ARMCX4: variants seen among roughly 807,000 people sequenced by gnomAD.
The protein encoded by ARMCX4 is armadillo repeat-containing X-linked protein 4.
A neutral mutation model predicts 34.7 loss-of-function variants in ARMCX4; 3 were observed. The ratio of observed to expected loss-of-function variants is 0.09; its 90% CI spans 0.04 to 0.22. The LOEUF (loss-of-function observed/expected upper bound fraction) is 0.22. Among genes scored for constraint, ARMCX4 ranks in the 10% least tolerant of loss-of-function variants. ARMCX4 has a pLI of 1.00. For synonymous variants in ARMCX4, 513 were observed against 632.8 expected, an observed-to-expected ratio of 0.81 and a Z score of 2.84; for missense variants, 1,448 against 1,720.8, an observed-to-expected ratio of 0.84 and a Z score of 2.81.
intron 4 of ARMCX4, among the ~76,000 whole-genome samples, chrX:101,461,738 CTT>C (rs1217005137): frequency 9.1e-6 from 1 of 110,150 alleles, no homozygotes; most frequent in African/African-American, 3.3e-5. Context: ...TTCTCCCTCT[CTT>C]TTTTTTTAAA....
At chrX:101,457,749 C>G (rs1932372413) in intron 4 of ARMCX4, among the ~76,000 whole-genome samples, 1 of 109,804 alleles carries the variant, frequency 9.1e-6, no homozygotes, top group Non-Finnish European at 1.9e-5. Context: ...ACCCCCCAAA[C>G]CCCCCTTTTT....
rs782282775 is a variant in ARMCX4, at chrX:101,436,251, G to C, written n.165-7801G>C. On this transcript the variant is annotated intron_variant and non_coding_transcript_variant, in intron 2 of 3. Transcript: ENST00000430461. The stretch of plus-strand genomic sequence containing the variant: ...ACCTTGGGCAGTATGGCCATTTTCA[G>C]GATATTGATTCTTCCTACCCATGAG... Among the ~76,000 whole-genome samples the C allele has an allele frequency of 6.4e-3, 700 of 110,020 alleles. 9 individuals carry two copies. The highest frequency in any genetic ancestry group is 0.022 in the African/African-American group (664 of 30,258).
At chrX:101,427,362 T>C (rs1321680615) in intron 2 of ARMCX4, among the ~76,000 whole-genome samples, 5 of 110,535 alleles carry the variant, frequency 4.5e-5, no homozygotes, top group African/African-American at 1.7e-4. Context: ...CCTCAGCTTC[T>C]GGTGAGAGCT....
intron 4 of ARMCX4, among the ~76,000 whole-genome samples, chrX:101,455,332 T>C (rs1932219005): frequency 8.9e-6 from 1 of 112,134 alleles, no homozygotes; most frequent in African/African-American, 3.2e-5. Flanking sequence ...TTATTGCATT[T>C]GACAAATCAT....
intron 11 of ARMCX4, among the ~76,000 whole-genome samples, chrX:101,515,415 CTT>C (rs1934708786): frequency 1.3e-4 from 1 of 7,699 alleles, no homozygotes. Flanking sequence ...CCCTCCCTCT[CTT>C]CCTTCCTTCC....
chrX:101,523,750 A>T (rs1354542343), intron 11 of ARMCX4, among the ~76,000 whole-genome samples: 1 of 111,869 alleles, frequency 8.9e-6, no homozygotes, highest in Non-Finnish European at 1.9e-5. Flanking sequence ...ATTACAACAC[A>T]TGCAGCAACA....
At chrX:101,448,673 A>T (rs1277024955), downstream of ARMCX4, among the ~76,000 whole-genome samples, 1 of 110,390 alleles carries the variant, frequency 9.1e-6, no homozygotes, top group Non-Finnish European at 1.9e-5. Context: ...GCTTGCTGCA[A>T]CCTCCACCTC....
chrX:101,521,077 G>A (rs902434431), intron 11 of ARMCX4, among the ~76,000 whole-genome samples: 2 of 108,511 alleles, frequency 1.8e-5, no homozygotes, highest in Admixed American at 2.0e-4. Context: ...GATTACAGAT[G>A]CCTGCCACCA....
intron 2 of ARMCX4, among the ~76,000 whole-genome samples, chrX:101,437,334 G>A (rs1396155111): frequency 9.0e-6 from 1 of 111,707 alleles, no homozygotes; most frequent in Non-Finnish European, 1.9e-5. Flanking sequence ...CCTGTTATTG[G>A]TCTATTCAGA....
Position 101,494,447 on chromosome X carries a change from G to C in ARMCX4, c.5858G>C (p.Gly1953Ala), listed in dbSNP as rs1556011214. 3.5e-6 allele frequency: 4 copies of C among 1,155,512 alleles called. No homozygotes were observed. The highest frequency in any genetic ancestry group is 1.1e-6 in the Non-Finnish European group (1 of 872,775). ...GATATAGGGTCTTGGTTCTGTGCTG[G>C]TAATGAAAACACAAGTGAGGACAAA... ...GVDIGSWFCA[G>A]NENTSEDKSA... is the part of the protein sequence containing the mutation. Residue 1953 changes from glycine to alanine, a missense_variant, in exon 6 of 6, where the codon GGT becomes GCT. Around this residue, in one of 2 missense-constraint regions of ARMCX4, gnomAD observed 1,343 missense variants for 1,540.7 expected, o/e 0.87. Transcript: ENST00000423738.
chrX:101,475,343 G>A (rs1556004014), intron 4 of ARMCX4, among the ~76,000 whole-genome samples: 1 of 109,704 alleles, frequency 9.1e-6, no homozygotes, highest in Non-Finnish European at 1.9e-5. Context: ...TTCTTTGTAG[G>A]TATCTGCAAA....
At chrX:101,418,661 C>T (rs1487878745) in intron 1 of ARMCX4, 3 of 111,688 alleles carry the variant, frequency 2.7e-5, no homozygotes, top group Non-Finnish European at 5.7e-5. Flanking sequence ...TCGGGCCGGT[C>T]CCCGGGGGAG....
Position 101,489,924 on chromosome X carries a change from G to A in ARMCX4, c.1335G>A (p.Leu445=). 8.6e-7 allele frequency: 1 copy of A among 1,156,247 alleles called. No homozygotes were observed. Among genetic ancestry groups the A allele is most frequent in the South Asian group, 1.9e-5 (1 of 52,768 alleles). The change falls in exon 6 of 6, where the codon TTG becomes TTA. Residue 445 remains leucine, a synonymous_variant. Transcript: ENST00000423738. ...GGGCCAATTCCCAGGTTGAGGCCTT[G>A]CCTGATGCCAGGGATAAGAGCAGAG... ...NLRANSQVEA[L]PDARDKSRGN... is the part of the protein sequence containing the mutation.
chrX:101,459,630 C>T (rs1381076997), intron 4 of ARMCX4, among the ~76,000 whole-genome samples: 6 of 111,703 alleles, frequency 5.4e-5, no homozygotes, highest in East Asian at 5.6e-4. Context: ...CTTAGAGTCA[C>T]GTAAAAGGTA....
At chrX:101,519,923 T>A (rs1451323914) in intron 11 of ARMCX4, among the ~76,000 whole-genome samples, 2 of 111,287 alleles carry the variant, frequency 1.8e-5, no homozygotes, top group Non-Finnish European at 3.8e-5. Flanking sequence ...TGATTAGTGA[T>A]GTTGAGCATT....
chrX:101,488,341 C>G, intron 5 of ARMCX4, 103 bp from the exon 6 acceptor site: 1 of 770,144 alleles, frequency 1.3e-6, no homozygotes, highest in East Asian at 3.6e-5. Flanking sequence ...TCTCTTCCAC[C>G]AAGCACATGG....
At chrX:101,438,991 G>T (rs1407590309) in intron 2 of ARMCX4, among the ~76,000 whole-genome samples, 3 of 112,007 alleles carry the variant, frequency 2.7e-5, no homozygotes, top group Non-Finnish European at 5.6e-5. Context: ...ATATGGTTAT[G>T]TGTGAATTTA....
intron 4 of ARMCX4, among the ~76,000 whole-genome samples, chrX:101,466,254 C>G (rs1345384078): frequency 1.8e-5 from 2 of 112,019 alleles, no homozygotes; most frequent in Non-Finnish European, 3.8e-5. Context: ...AAGTGCATGT[C>G]AGAATTGGAG....
At chrX:101,425,457 G>A (rs1366840525) in intron 2 of ARMCX4, among the ~76,000 whole-genome samples, 2 of 105,697 alleles carry the variant, frequency 1.9e-5, no homozygotes, top group Non-Finnish European at 3.9e-5. Context: ...GCAATGGTGC[G>A]ATCTCGGCTC....
Sources: allele counts gnomAD v4.1 joint callset (sites outside exome capture counted in the v4.1 genomes callset), GRCh38; gene constraint gnomAD v4.1.1; regional missense constraint gnomAD v4.1.1; transcripts MANE v1.5; gene names NCBI Gene and HGNC (gene_info 2026-07-23, HGNC 2026-07-21).